The following FHIT variants were observed in gnomAD, a reference collection of about 807,000 sequenced individuals.
FHIT encodes the protein fragile histidine triad diadenosine triphosphatase.
A neutral mutation model predicts 17.9 loss-of-function variants in FHIT; 19 were observed. The ratio of observed to expected loss-of-function variants is 1.06; its 90% confidence interval spans 0.74 to 1.56. The LOEUF (loss-of-function observed/expected upper bound fraction) is 1.56. FHIT is among the 40% of genes most tolerant of loss of function. The pLI is 0.00. For missense variants in FHIT, 248 were observed against 189.2 expected (o/e 1.31, Z -1.82); for synonymous variants, 81 against 69.7 (o/e 1.16, Z -0.81).
chr3:60,224,322 C>A (rs1236674675), intron 5 of FHIT, among the ~76,000 whole-genome samples: 3 of 151,992 alleles, frequency 2.0e-5, no homozygotes, highest in Non-Finnish European at 4.4e-5. Flanking sequence ...GATCCTGATG[C>A]AAAATGATGG....
At chr3:60,799,224 G>C (rs1395385466) in intron 4 of FHIT, among the ~76,000 whole-genome samples, 1 of 152,074 alleles carries the variant, frequency 6.6e-6, no homozygotes, top group Non-Finnish European at 1.5e-5. Context: ...GCCCAGGCTA[G>C]AGTGCAATGG....
chr3:60,612,401 A>T (rs1553673969), intron 4 of FHIT, among the ~76,000 whole-genome samples: 1 of 152,192 alleles, frequency 6.6e-6, no homozygotes, highest in East Asian at 1.9e-4. Context: ...ATTAGTACCA[A>T]CTAGATTACT....
At chr3:60,026,046 C>A (rs1700730024) in intron 5 of FHIT, among the ~76,000 whole-genome samples, 1 of 152,160 alleles carries the variant, frequency 6.6e-6, no homozygotes, top group African/African-American at 2.4e-5. Context: ...TTCTTTCCAT[C>A]TGCTTACACC....
intron 5 of FHIT, among the ~76,000 whole-genome samples, chr3:60,234,185 CAATT>C (rs1251054146): frequency 6.6e-6 from 1 of 152,002 alleles, no homozygotes; most frequent in Non-Finnish European, 1.5e-5. Context: ...TCAGACCAGA[CAATT>C]AAAGCTGTGT....
intron 8 of FHIT, among the ~76,000 whole-genome samples, chr3:59,815,002 C>A (rs1219290257): frequency 6.6e-6 from 1 of 152,184 alleles, no homozygotes; most frequent in African/African-American, 2.4e-5. Flanking sequence ...ATGGGTGATA[C>A]TGATTGTACA....
chr3:60,877,379 C>T (rs1246206907), intron 3 of FHIT, among the ~76,000 whole-genome samples: 1 of 152,212 alleles, frequency 6.6e-6, no homozygotes, highest in Non-Finnish European at 1.5e-5. Flanking sequence ...CTCACCTTCA[C>T]CTGCCCTCTC....
chr3:60,012,954 G>T (rs1439488631), intron 6 of FHIT, among the ~76,000 whole-genome samples: 1 of 152,110 alleles, frequency 6.6e-6, no homozygotes, highest in Non-Finnish European at 1.5e-5. Flanking sequence ...CCAGAAACAC[G>T]GTTTGCAACA....
intron 3 of FHIT, among the ~76,000 whole-genome samples, chr3:61,017,221 T>C (rs919490163): frequency 2.6e-5 from 4 of 152,104 alleles, no homozygotes; most frequent in African/African-American, 7.2e-5. Context: ...ACCTAAGAAG[T>C]GGAGGTGCAG....
At chr3:61,126,293 T>C (rs557706891) in intron 2 of FHIT, among the ~76,000 whole-genome samples, 48 of 152,276 alleles carry the variant, frequency 3.2e-4, no homozygotes, top group Middle Eastern at 6.8e-3. Context: ...GTCTTCTTTG[T>C]AGTTGAGAGA....
At chr3:60,565,427 T>A (rs1256199412) in intron 4 of FHIT, among the ~76,000 whole-genome samples, 1 of 152,134 alleles carries the variant, frequency 6.6e-6, no homozygotes, top group East Asian at 1.9e-4. Flanking sequence ...TACAACACTT[T>A]CCGTTAATGG....
chr3:60,872,063 A>G (rs1457412386), intron 3 of FHIT, among the ~76,000 whole-genome samples: 1 of 152,130 alleles, frequency 6.6e-6, no homozygotes, highest in Non-Finnish European at 1.5e-5. Context: ...ACAATTTACA[A>G]GATCATACTT....
At chr3:60,377,727 C>T (rs1276580624) in intron 5 of FHIT, among the ~76,000 whole-genome samples, 4 of 151,266 alleles carry the variant, frequency 2.6e-5, no homozygotes, top group Admixed American at 6.6e-5. Flanking sequence ...GTGATCCACC[C>T]GCCTCGGCCT....
intron 5 of FHIT, among the ~76,000 whole-genome samples, chr3:60,299,730 A>C (rs1441003502): frequency 6.6e-6 from 1 of 151,994 alleles, no homozygotes; most frequent in Non-Finnish European, 1.5e-5. Context: ...CTGGCTCTCT[A>C]CTTGGCTTTC....
rs561727085 is a variant in FHIT, at chr3:60,197,823, A to T, written c.104-183671T>A. On this transcript the variant is annotated intron_variant, in intron 5 of 9. Transcript: ENST00000492590. ...AACCTACCCACTACTATCCATAACT[A>T]GCTGGTTCTGGCCTTTTGAACCTTT... is the stretch of plus-strand genomic sequence containing the variant. Among the ~76,000 whole-genome samples the T allele has an allele frequency of 2.6e-5, 4 of 152,302 alleles. No individual in the cohort carries two copies. In the South Asian group the frequency reaches 8.3e-4, roughly 32 times the overall value.
intron 4 of FHIT, among the ~76,000 whole-genome samples, chr3:60,701,247 C>A (rs547063679): frequency 6.6e-6 from 1 of 151,958 alleles, no homozygotes; most frequent in Non-Finnish European, 1.5e-5. Flanking sequence ...CCTCAGCCTC[C>A]AAAGTAGCTG....
intron 3 of FHIT, among the ~76,000 whole-genome samples, chr3:60,937,892 A>G (rs974922807): frequency 6.6e-6 from 1 of 152,014 alleles, no homozygotes; most frequent in Admixed American, 6.6e-5. Context: ...TTGTCACTGC[A>G]GGAATCACCT....
chr3:60,737,972 C>T (rs1553713035), intron 4 of FHIT, among the ~76,000 whole-genome samples: 3 of 152,118 alleles, frequency 2.0e-5, no homozygotes, highest in Admixed American at 6.5e-5. Flanking sequence ...GCTAAAGGAG[C>T]ATTTGCATTA....
At chr3:60,334,002 TAGTC>T (rs1710116601) in intron 5 of FHIT, among the ~76,000 whole-genome samples, 1 of 152,132 alleles carries the variant, frequency 6.6e-6, no homozygotes, top group African/African-American at 2.4e-5. Context: ...CCCCTCATTT[TAGTC>T]AGTGAGAGAG....
chr3:59,826,734 C>T (rs1384836838), intron 8 of FHIT, among the ~76,000 whole-genome samples: 1 of 152,256 alleles, frequency 6.6e-6, no homozygotes, highest in Non-Finnish European at 1.5e-5. Context: ...CCCTGCCCAC[C>T]AATTGCCAGT....
Sources: gnomAD v4.1 joint callset for allele counts (sites outside exome capture counted in the v4.1 genomes callset) on GRCh38, gnomAD v4.1.1 for gene constraint, MANE v1.5 for transcripts, NCBI Gene and HGNC (gene_info 2026-07-23, HGNC 2026-07-21) for gene names.